ZNF652: variants seen among roughly 807,000 people sequenced by gnomAD.
The protein encoded by ZNF652 is zinc finger protein 652.
A neutral mutation model predicts 45.2 loss-of-function variants in ZNF652; 16 were observed. The observed-to-expected ratio is 0.35, with a 90% CI of 0.24 to 0.54. ZNF652 has a LOEUF of 0.54. Ranked by LOEUF, ZNF652 falls within the 20% of genes least tolerant of loss-of-function variation. ZNF652 has a pLI of 0.91. For missense variants in ZNF652, 614 were observed against 765.6 expected (o/e 0.80, Z 2.34); for synonymous variants, 250 against 260.6 (o/e 0.96, Z 0.39).
At chr17:49,308,159 A>G (rs777472882) in intron 5 of ZNF652, among the ~76,000 whole-genome samples, 7 of 152,072 alleles carry the variant, frequency 4.6e-5, no homozygotes, top group Admixed American at 6.6e-5. Context: ...ATATATTTTA[A>G]TAAGTATGTG....
chr17:49,306,482 A>G (rs2069630398), intron 5 of ZNF652, among the ~76,000 whole-genome samples: 1 of 151,970 alleles, frequency 6.6e-6, no homozygotes, highest in Non-Finnish European at 1.5e-5. Context: ...TTTAATAGAG[A>G]TGGTGTCTCG....
intron 1 of ZNF652, among the ~76,000 whole-genome samples, chr17:49,349,092 C>T (rs997388925): frequency 2.6e-5 from 4 of 152,086 alleles, no homozygotes; most frequent in Non-Finnish European, 4.4e-5. Flanking sequence ...TTGCCAATTC[C>T]GTCCTCCTCT....
chr17:49,357,080 CA>C (rs1334440796), intron 1 of ZNF652, among the ~76,000 whole-genome samples: 1 of 151,464 alleles, frequency 6.6e-6, no homozygotes, highest in African/African-American at 2.4e-5. Context: ...GGGCAGATCA[CA>C]AGATCAGGAG....
intron 5 of ZNF652, among the ~76,000 whole-genome samples, chr17:49,301,409 C>T (rs2960171): frequency 0.57 from 86,666 of 151,466 alleles, 25,100 homozygotes; most frequent in South Asian, 0.74. Flanking sequence ...GTGATCCTCC[C>T]GCCTCAGCCT....
intron 1 of ZNF652, among the ~76,000 whole-genome samples, chr17:49,328,921 C>A (rs1017926353): frequency 6.6e-6 from 1 of 152,220 alleles, no homozygotes; most frequent in African/African-American, 2.4e-5. Flanking sequence ...TTTCTAACTC[C>A]TAGTCCAAGT....
intron 2 of ZNF652, among the ~76,000 whole-genome samples, chr17:49,316,478 A>T (rs917037269): frequency 2.0e-5 from 3 of 152,182 alleles, no homozygotes; most frequent in African/African-American, 4.8e-5. Flanking sequence ...ACCTTTAATC[A>T]GTAACTCCTA....
intron 1 of ZNF652, among the ~76,000 whole-genome samples, chr17:49,326,260 AAAG>A (rs1269867123): frequency 1.3e-5 from 2 of 151,614 alleles, no homozygotes; most frequent in African/African-American, 2.4e-5. Context: ...AAAAAAAAAA[AAAG>A]AAGTATGGTA....
At chr17:49,330,119 G>A (rs9910777) in intron 1 of ZNF652, among the ~76,000 whole-genome samples, 118,759 of 152,110 alleles carry the variant, frequency 0.78, 46,570 homozygotes, top group African/African-American at 0.85. Context: ...TGTGTGTACT[G>A]TTGCCATCTT....
upstream of ZNF652, chr17:49,362,376 G>T (rs1212881457): frequency 6.6e-6 from 1 of 150,968 alleles, no homozygotes; most frequent in African/African-American, 2.4e-5. Context: ...GGGAGCGGCG[G>T]CGCGCATGCG....
At chr17:49,346,809 T>C (rs1003249291) in intron 1 of ZNF652, among the ~76,000 whole-genome samples, 2 of 152,202 alleles carry the variant, frequency 1.3e-5, no homozygotes, top group Non-Finnish European at 2.9e-5. Context: ...TGTGGGCAGG[T>C]AGCTCTTTTT....
chr17:49,348,543 A>AG (rs1567699129), intron 1 of ZNF652, among the ~76,000 whole-genome samples: 16 of 148,934 alleles, frequency 1.1e-4, no homozygotes, highest in African/African-American at 3.9e-4. Flanking sequence ...AGAAAAGAAA[A>AG]ACCCCCGCAA....
chr17:49,334,520 T>C (rs1357393165), intron 1 of ZNF652, among the ~76,000 whole-genome samples: 1 of 152,008 alleles, frequency 6.6e-6, no homozygotes, highest in Admixed American at 6.6e-5. Flanking sequence ...GACTTAGGCC[T>C]GTAATCCCAG....
Position 49,296,544 on chromosome 17 carries a change from C to G in ZNF652, c.*1869G>C. On this transcript the variant is annotated 3_prime_UTR_variant, in exon 6 of 6. Transcript: ENST00000430262. ...GATTCAGGCAAAGATTTTAAGAAAC[C>G]GAAGAAAGAAAAATGAAGAAATTTC... The G allele has an allele frequency of 6.6e-6, 1 of 151,962 alleles. No homozygotes were observed. Among genetic ancestry groups the G allele is most frequent in the East Asian group, 1.9e-4 (1 of 5,180 alleles). The allele number at this position is 151,962 out of a possible 1,614,324, so 9.4% of individuals were successfully genotyped here.
chr17:49,331,836 G>C (rs2070028145), intron 1 of ZNF652, among the ~76,000 whole-genome samples: 2 of 152,180 alleles, frequency 1.3e-5, no homozygotes, highest in African/African-American at 4.8e-5. Context: ...ATGCATGGTA[G>C]TGCATGCCTG....
chr17:49,304,422 C>A (rs927555039), intron 5 of ZNF652, among the ~76,000 whole-genome samples: 1 of 152,112 alleles, frequency 6.6e-6, no homozygotes, highest in African/African-American at 2.4e-5. Flanking sequence ...CATTAGGCCG[C>A]ATCTCCTAAA....
At chr17:49,324,615 C>T (rs2069936317) in intron 1 of ZNF652, among the ~76,000 whole-genome samples, 3 of 152,040 alleles carry the variant, frequency 2.0e-5, no homozygotes, top group Middle Eastern at 3.4e-3. Context: ...GTCTCGAACT[C>T]CTGACCTCAG....
Position 49,292,487 on chromosome 17 carries a change from A to G in ZNF652, c.*5926T>C, listed in dbSNP as rs192170526. ...TTTTTGAGGGACAGGGCCATGAGAG[A>G]GCAGAAACCCAGGGAGCAATTTTAA... On this transcript the variant is annotated 3_prime_UTR_variant, in exon 6 of 6. Transcript: ENST00000430262. Among the ~76,000 whole-genome samples, 1 of 152,334 alleles carries G rather than the reference A, an allele frequency of 6.6e-6. No individual in the cohort carries two copies. The highest frequency in any genetic ancestry group is 6.5e-5 in the Admixed American group (1 of 15,298).
rs116055739 is a variant in ZNF652 at position 49,333,767 on chromosome 17, G to A, written c.-258-15784C>T. ...AAGAAGATATACAAATGGCCAATGC[G>A]TAAAGGAAAAGATGCTTAACATTAT... On this transcript the variant is annotated intron_variant, in intron 1 of 5. Transcript: ENST00000430262. 8.8e-3 allele frequency among the ~76,000 whole-genome samples: 1,314 copies of A among 149,534 alleles called. 22 individuals are homozygous for A. The highest frequency in any genetic ancestry group is 0.031 in the African/African-American group (1,242 of 40,638).
Position 49,303,271 on chromosome 17 carries a change from C to T in ZNF652, c.1310-4347G>A, listed in dbSNP as rs527947204. ...TCTTTTTTTTTTTGAGACAGGGTCT[C>T]ATTCTGTCACCCAGGCTGGAGTGCA... On this transcript the variant is annotated intron_variant, in intron 5 of 5. Transcript: ENST00000430262. 2.7e-4 allele frequency among the ~76,000 whole-genome samples: 12 copies of T among 44,268 alleles called. 1 individual carries two copies. In the South Asian group the frequency reaches 0.016, roughly 60 times the overall value. The allele number at this position is 44,268 out of a possible 152,430, so 29.0% of individuals were successfully genotyped here.
Sources: allele counts gnomAD v4.1 joint callset (sites outside exome capture counted in the v4.1 genomes callset), GRCh38; gene constraint gnomAD v4.1.1; transcripts MANE v1.5; gene names NCBI Gene and HGNC (gene_info 2026-07-23, HGNC 2026-07-21).